PXN: variants seen among roughly 807,000 people sequenced by gnomAD.
The protein encoded by PXN is testicular tissue protein Li 134.
A neutral mutation model predicts 103.6 loss-of-function variants in PXN; 61 were observed. The ratio of observed to expected loss-of-function variants is 0.59; its 90% CI spans 0.48 to 0.73. The LOEUF (loss-of-function observed/expected upper bound fraction) is 0.73. PXN is among the 30% of genes least tolerant of loss of function. PXN has a pLI of 0.00. For synonymous variants in PXN, 562 were observed against 607.8 expected (o/e 0.92, Z 1.11); for missense variants, 1,274 against 1,460.3 (o/e 0.87, Z 2.08).
chr12:120,212,461 G>A lies in PXN; in HGVS notation c.3099C>T (p.Thr1033=), dbSNP rs25664. Reference sequence around the variant, plus strand: ...TGGCCATGGCGGTGATGCAGCGGCCGGTGATGGGCTTCTGGCAGCCAGAAC... The same window carrying A: ...TGGCCATGGCGGTGATGCAGCGGCCAGTGATGGGCTTCTGGCAGCCAGAAC... ...SLCSGCQKPI[T]GRCITAMAKK... The change falls in exon 15 of 15, where the codon ACC becomes ACT. Residue 1033 remains threonine (T), a synonymous_variant. Transcript: ENST00000637617. The surrounding 1 kb of genome is among the most constrained non-coding windows in gnomAD (Gnocchi z 7.2). 0.038 allele frequency: 62,038 copies of A among 1,613,984 alleles called. 1,365 individuals carry two copies. The highest frequency in any genetic ancestry group is 0.045 in the Non-Finnish European group (53,190 of 1,179,888).
chr12:120,260,157 TG>T (rs1201142938), intron 1 of PXN, among the ~76,000 whole-genome samples: 1 of 152,044 alleles, frequency 6.6e-6, no homozygotes, highest in Non-Finnish European at 1.5e-5. Flanking sequence ...GGGCCTCCCC[TG>T]GAACAGGAGA....
In PXN at chr12:120,215,931, G is replaced by A. The variant is rs753790865; in HGVS notation, c.2302-270C>T. The A allele has an allele frequency of 3.1e-5, 43 of 1,385,798 alleles. No individual in the cohort carries two copies. In the South Asian group the frequency reaches 3.8e-4, roughly 12 times the overall value. The allele number at this position is 1,385,798 out of a possible 1,614,324, so 85.8% of individuals were successfully genotyped here. On this transcript the variant is annotated intron_variant, in intron 9 of 14. Coordinates refer to ENST00000637617, the MANE Select transcript of PXN (RefSeq NM_001385981.1). This position sits in a 1 kb window ranked among gnomAD's most constrained non-coding sequence, Gnocchi z 4.9. ...CCGGGCTCAGTGATGAGGCCTCACC[G>A]GGCGCTGGGCCTGGGGGCTGGAAGG...
At chr12:120,255,746 A>T (rs1446949040) in intron 1 of PXN, among the ~76,000 whole-genome samples, 5 of 151,928 alleles carry the variant, frequency 3.3e-5, no homozygotes, top group African/African-American at 1.2e-4. Context: ...GAGCAAAGTA[A>T]AAAAGTTAGT....
In PXN at chr12:120,216,865, C is replaced by T; in HGVS notation, c.1968G>A (p.Arg656=). The T allele has an allele frequency of 6.6e-7, 1 of 1,507,746 alleles. No individual in the cohort carries two copies. The allele number at this position is 1,507,746 out of a possible 1,614,324, so 93.4% of individuals were successfully genotyped here. ...VIITVQPRGK[R]AGGQLVEKVV... ...CCTTCTCTACGAGCTGCCCCCCGGCCCGCTTCCCACGTGGCTGCACAGTGA... is the reference window on the plus strand; with the variant it reads ...CCTTCTCTACGAGCTGCCCCCCGGCTCGCTTCCCACGTGGCTGCACAGTGA... The change falls in exon 8 of 15, where the codon CGG becomes CGA. Residue 656 remains arginine (R), a synonymous_variant. Transcript: ENST00000637617. The surrounding 1 kb of genome is among the most constrained non-coding windows in gnomAD (Gnocchi z 5.1).
At chr12:120,250,221 A>C (rs1891926104) in intron 1 of PXN, 1 of 978,808 alleles carries the variant, frequency 1.0e-6, no homozygotes, top group Non-Finnish European at 1.2e-6. Flanking sequence ...CCACCTAAGG[A>C]AGAGGAATGT....
Position 120,210,970 on chromosome 12 carries a change from A to G in PXN, c.*1344T>C, listed in dbSNP as rs1211953474. The G allele has an allele frequency of 6.5e-6, 1 of 152,698 alleles. No homozygotes were observed. Among genetic ancestry groups the G allele is most frequent in the African/African-American group, 2.4e-5 (1 of 41,458 alleles). 9.5% of individuals were successfully genotyped at this position (152,698 alleles called of 1,614,324 possible). On this transcript the variant is annotated 3_prime_UTR_variant, in exon 15 of 15. Transcript: ENST00000637617. ...ATCCCACCTGTGAAAGGGGAGGAGC[A>G]GATCTGGGGAAGGGATATGCCCAGA...
In PXN at chr12:120,220,626, A is replaced by G. The variant is rs1368670046; in HGVS notation, c.832-535T>C. ...CTGAGAAAACGGCAGCCTTAAAAGC[A>G]CCGGGGCACAGCTCCCTCAGGCCAG... On this transcript the variant is annotated intron_variant, in intron 6 of 14. Coordinates refer to ENST00000637617, the MANE Select transcript of PXN (RefSeq NM_001385981.1). This position sits in a 1 kb window ranked among gnomAD's most constrained non-coding sequence, Gnocchi z 6.1. Among the ~76,000 whole-genome samples the G allele has an allele frequency of 6.6e-6, 1 of 152,170 alleles. No homozygotes were observed. The highest frequency in any genetic ancestry group is 1.5e-5 in the Non-Finnish European group (1 of 68,028).
intron 3 of PXN, 122 bp from the exon 4 acceptor site, chr12:120,223,121 G>T: frequency 6.6e-7 from 1 of 1,513,664 alleles, no homozygotes; most frequent in Non-Finnish European, 9.0e-7. Context: ...CCCGCAAGAG[G>T]ACAGAGGGTA....
rs1483439597 is a variant in PXN at position 120,248,498 on chromosome 12, A to T, written c.13+17119T>A. Reference sequence around the variant, plus strand: ...TACAATCCACAGATGACTTTCACACACACACACACACACACACACACACAC... The same window carrying T: ...TACAATCCACAGATGACTTTCACACTCACACACACACACACACACACACAC... On this transcript the variant is annotated intron_variant, in intron 1 of 14. Transcript: ENST00000637617. Among the ~76,000 whole-genome samples the T allele has an allele frequency of 1.9e-4, 20 of 106,010 alleles. 1 individual carries two copies. Among genetic ancestry groups the T allele is most frequent in the African/African-American group, 6.0e-4 (17 of 28,152 alleles). The allele number at this position is 106,010 out of a possible 152,430, so 69.5% of individuals were successfully genotyped here.
At chr12:120,230,629 C>T (rs1178225227) in intron 1 of PXN, among the ~76,000 whole-genome samples, 1 of 152,072 alleles carries the variant, frequency 6.6e-6, no homozygotes, top group African/African-American at 2.4e-5. Context: ...GGTCTCCCCC[C>T]TCCCCCTGGC....
At chr12:120,247,732 A>C (rs1287360184) in intron 1 of PXN, 2 of 153,410 alleles carry the variant, frequency 1.3e-5, no homozygotes, top group Admixed American at 1.3e-4. Context: ...CGAGATTGCT[A>C]AGCAGATTAC....
intron 1 of PXN, among the ~76,000 whole-genome samples, chr12:120,249,331 A>T (rs918822316): frequency 6.6e-5 from 10 of 151,970 alleles, no homozygotes; most frequent in African/African-American, 1.9e-4. Flanking sequence ...GCACCAGAGG[A>T]CTCTAAGAAA....
rs1337967392 is a variant in PXN, at chr12:120,222,703, A to G, written c.541T>C (p.Tyr181His). 2 of 1,609,936 alleles carry G rather than the reference A, an allele frequency of 1.2e-6. No individual in the cohort carries two copies. The highest frequency in any genetic ancestry group is 1.7e-6 in the Non-Finnish European group (2 of 1,178,368). ...PPLPGALSPL[Y>H]GVPETNSPLG... Reference sequence around the variant, plus strand: ...GGGCTGTTAGTCTCTGGGACACCATAGAGGGGGCTCAGGGCCCCAGGAAGC... The same window carrying G: ...GGGCTGTTAGTCTCTGGGACACCATGGAGGGGGCTCAGGGCCCCAGGAAGC... Residue 181 changes from tyrosine to histidine, a missense_variant, in exon 5 of 15, where the codon TAT becomes CAT. Coordinates refer to ENST00000637617, the MANE Select transcript of PXN (RefSeq NM_001385981.1). This position sits in a 1 kb window ranked among gnomAD's most constrained non-coding sequence, Gnocchi z 4.7.
In PXN at chr12:120,225,992, G is replaced by A; in HGVS notation, c.14-1615C>T. 2.0e-6 allele frequency: 2 copies of A among 1,000,918 alleles called. No homozygotes were observed. The highest frequency in any genetic ancestry group is 2.5e-6 in the Non-Finnish European group (2 of 810,118). The allele number at this position is 1,000,918 out of a possible 1,614,324, so 62.0% of individuals were successfully genotyped here. On this transcript the variant is annotated intron_variant, in intron 1 of 14. Coordinates refer to ENST00000637617, the MANE Select transcript of PXN (RefSeq NM_001385981.1). The surrounding 1 kb of genome is among the most constrained non-coding windows in gnomAD (Gnocchi z 4.4). Reference sequence around the variant, plus strand: ...GTCTGGTCGCCTGACCTCCAAGGAAGTTCAGGTCCTACAGCCCGCCCCGCC... The same window carrying A: ...GTCTGGTCGCCTGACCTCCAAGGAAATTCAGGTCCTACAGCCCGCCCCGCC...
At chr12:120,226,279 C>T (rs1886847212) in intron 1 of PXN, 12 of 1,288,936 alleles carry the variant, frequency 9.3e-6, no homozygotes, top group Admixed American at 6.9e-5. Flanking sequence ...GAGCAGGCAA[C>T]GAATGAGTGC....
chr12:120,265,663 T>TA lies in PXN; in HGVS notation c.-35dup. On this transcript the variant is annotated 5_prime_UTR_variant, in exon 1 of 15. Transcript: ENST00000637617. This position sits in a 1 kb window ranked among gnomAD's most constrained non-coding sequence, Gnocchi z 5.7. ...CACGGGCGCCGGCTCAGGGTCGCGC[T>TA]AGCTGCCCGTCCCGGGGCCGCTCGT... 3 of 1,454,672 alleles carry TA rather than the reference T, an allele frequency of 2.1e-6. No homozygotes were observed. Among genetic ancestry groups the TA allele is most frequent in the Non-Finnish European group, 2.7e-6 (3 of 1,107,008 alleles). The allele number at this position is 1,454,672 out of a possible 1,614,324, so 90.1% of individuals were successfully genotyped here.
intron 1 of PXN, among the ~76,000 whole-genome samples, chr12:120,246,477 T>C (rs1475132577): frequency 2.7e-5 from 3 of 110,152 alleles, no homozygotes; most frequent in Admixed American, 1.1e-4. Context: ...CAGTGAGCCA[T>C]GCACTCCAGC....
chr12:120,219,406 G>A lies in PXN; in HGVS notation c.1517C>T (p.Ser506Leu), dbSNP rs770135513. The part of the protein sequence containing the change: ...PGRLGSSSPA[S>L]VTTEQLGAKM... ...TGCACCTAGCTGCTCCGTGGTAACT[G>A]AGGCAGGGGAGCTGCTTCCCAGCCT... The change falls in exon 7 of 15, where the codon TCA becomes TTA. Residue 506 changes from serine to leucine, a missense_variant. Ser to Leu is a moderately radical substitution (Grantham distance 145, BLOSUM62 -2). This residue lies in a region of PXN where 1,178 missense variants were observed against 1,309.0 expected (regional missense o/e 0.90). Coordinates refer to ENST00000637617, the MANE Select transcript of PXN (RefSeq NM_001385981.1). The surrounding 1 kb of genome is among the most constrained non-coding windows in gnomAD (Gnocchi z 6.5). The A allele has an allele frequency of 1.2e-5, 19 of 1,598,148 alleles. No individual in the cohort carries two copies. The highest frequency in any genetic ancestry group is 1.5e-5 in the Non-Finnish European group (18 of 1,179,686).
intron 1 of PXN, among the ~76,000 whole-genome samples, chr12:120,240,110 G>A (rs1889888324): frequency 6.6e-6 from 1 of 152,094 alleles, no homozygotes; most frequent in Admixed American, 6.6e-5. Flanking sequence ...TATAGAATAG[G>A]TATAATAACT....
Sources: gnomAD v4.1 joint callset for allele counts (sites outside exome capture counted in the v4.1 genomes callset) on GRCh38, gnomAD v4.1.1 for gene constraint, gnomAD v4.1.1 regional missense constraint, Gnocchi (gnomAD v3.1) non-coding constraint, MANE v1.5 for transcripts, NCBI Gene and HGNC (gene_info 2026-07-23, HGNC 2026-07-21) for gene names.